The following TLK1 variants were observed in gnomAD, a reference collection of about 807,000 sequenced individuals.
TLK1 encodes the protein serine/threonine-protein kinase tousled-like 1.
A neutral mutation model predicts 105.3 loss-of-function variants in TLK1; 24 were observed. That is an observed-to-expected ratio of 0.23 (90% confidence interval 0.17 to 0.32). The LOEUF is 0.32. Ranked by LOEUF, TLK1 falls within the 10% of genes least tolerant of loss-of-function variation. The probability of loss-of-function intolerance (pLI) is 1.00; values close to 1 mark genes in which losing one functional copy is unlikely to be tolerated. For synonymous variants in TLK1, 321 were observed against 310.4 expected, an observed-to-expected ratio of 1.03 and a Z score of -0.36; for missense variants, 558 against 910.5, an observed-to-expected ratio of 0.61 and a Z score of 4.98.
chr2:171,093,540 A>G (rs1689328816), intron 2 of TLK1, among the ~76,000 whole-genome samples: 1 of 152,228 alleles, frequency 6.6e-6, no homozygotes, highest in South Asian at 2.1e-4. Context: ...TAGGCTGTTC[A>G]AAGTACAATG....
chr2:171,123,057 TAC>T (rs71008752), intron 1 of TLK1, among the ~76,000 whole-genome samples: 1,809 of 141,264 alleles, frequency 0.013, 17 homozygotes, highest in African/African-American at 0.022. Context: ...AATAAATAAA[TAC>T]ACACACACAC....
At chr2:171,132,506 C>T (rs1691144426) in intron 1 of TLK1, among the ~76,000 whole-genome samples, 1 of 152,176 alleles carries the variant, frequency 6.6e-6, no homozygotes, top group South Asian at 2.1e-4. Flanking sequence ...AAGTTCACTG[C>T]ATATTAATGT....
At chr2:171,052,484 T>C (rs1374634820) in intron 8 of TLK1, among the ~76,000 whole-genome samples, 8 of 152,150 alleles carry the variant, frequency 5.3e-5, no homozygotes, top group Non-Finnish European at 7.4e-5. Context: ...GCAGAAAAGA[T>C]ACAGAAATTA....
chr2:171,178,896 G>A (rs1469805757), intron 1 of TLK1, among the ~76,000 whole-genome samples: 1 of 152,140 alleles, frequency 6.6e-6, no homozygotes, highest in African/African-American at 2.4e-5. Context: ...TTACACAGAT[G>A]ACTATTAAAT....
At chr2:171,096,757 CAA>C (rs55784045) in intron 2 of TLK1, among the ~76,000 whole-genome samples, 15 of 114,054 alleles carry the variant, frequency 1.3e-4, no homozygotes, top group Admixed American at 1.8e-4. Flanking sequence ...GACCCTGTCT[CAA>C]AAAAAAAAAA....
At chr2:171,109,440 T>C (rs140183889) in intron 2 of TLK1, among the ~76,000 whole-genome samples, 135 of 152,284 alleles carry the variant, frequency 8.9e-4, no homozygotes, top group African/African-American at 3.2e-3. Context: ...CAGCAGTTCC[T>C]GGAGGGACAG....
intron 2 of TLK1, among the ~76,000 whole-genome samples, chr2:171,101,352 A>AAAAAAAG (rs1288113088): frequency 8.6e-5 from 13 of 150,814 alleles, no homozygotes; most frequent in African/African-American, 3.2e-4. Context: ...GTCTCAAAAA[A>AAAAAAAG]AAAAAAAAAA....
rs139262809 is a variant in TLK1 at position 171,112,028 on chromosome 2, T to G, written c.258+5711A>C. Among the ~76,000 whole-genome samples, 1,194 of 152,310 alleles carry G rather than the reference T, an allele frequency of 7.8e-3. 19 individuals are homozygous for G. Among genetic ancestry groups the G allele is most frequent in the African/African-American group, 0.027 (1,116 of 41,554 alleles). On this transcript the variant is annotated intron_variant, in intron 2 of 20. Coordinates refer to ENST00000431350, the MANE Select transcript of TLK1 (RefSeq NM_012290.5). ...GTGCAGTGGCATGACCCTGGCGCACTGCAACCTCCGCCTGCCGAGTTCAAG... is the reference window on the plus strand; with the variant it reads ...GTGCAGTGGCATGACCCTGGCGCACGGCAACCTCCGCCTGCCGAGTTCAAG...
In TLK1 at chr2:171,173,963, G is replaced by T. The variant is rs540631907; in HGVS notation, c.-5-56106C>A. 7.0e-4 allele frequency among the ~76,000 whole-genome samples: 107 copies of T among 152,102 alleles called. 2 individuals are homozygous for T. Among genetic ancestry groups the T allele is most frequent in the Middle Eastern group, 3.4e-3 (1 of 294 alleles). On this transcript the variant is annotated intron_variant, in intron 1 of 20. Transcript: ENST00000521943. ...ATCCCTTGCCACTCCCTAAGACTAC[G>T]GTGTCTCTTAAACAGCCTGTTGAAT...
chr2:171,117,979 C>G (rs568988122), intron 1 of TLK1, 122 bp from the exon 2 acceptor site: 2 of 572,766 alleles, frequency 3.5e-6, no homozygotes, highest in African/African-American at 3.9e-5. Context: ...ATGCTACAAG[C>G]AGACGAAATT....
chr2:171,178,116 A>C (rs1312815544), intron 1 of TLK1, among the ~76,000 whole-genome samples: 1 of 152,182 alleles, frequency 6.6e-6, no homozygotes, highest in Non-Finnish European at 1.5e-5. Flanking sequence ...TTGAATGCTT[A>C]CTATATGCTA....
rs556166940 is a variant in TLK1 at position 171,090,615 on chromosome 2, T to C, written c.259-7763A>G. ...CCTTGGGATTTTCCTAGGTATTCAC[T>C]TTCTAAAATCATGTATTTAAAAAGG... is the stretch of plus-strand genomic sequence containing the variant. On this transcript the variant is annotated intron_variant, in intron 2 of 20. Coordinates refer to ENST00000431350, the MANE Select transcript of TLK1 (RefSeq NM_012290.5). Among the ~76,000 whole-genome samples, 762 of 152,348 alleles carry C rather than the reference T, an allele frequency of 5.0e-3. 6 individuals carry two copies. The highest frequency in any genetic ancestry group is 0.017 in the African/African-American group (708 of 41,582).
intron 1 of TLK1, among the ~76,000 whole-genome samples, chr2:171,126,561 G>C (rs1404703764): frequency 2.6e-5 from 4 of 151,916 alleles, no homozygotes; most frequent in Non-Finnish European, 2.9e-5. Flanking sequence ...AATCTTCCTT[G>C]ACGACAGTCA....
intron 4 of TLK1, chr2:171,059,868 G>A (rs1020538243): frequency 1.6e-5 from 14 of 892,122 alleles, no homozygotes; most frequent in African/African-American, 4.9e-5. Flanking sequence ...TAACGCTGCC[G>A]CTGATCTGAC....
Position 171,055,158 on chromosome 2 carries a change from G to A in TLK1, c.564C>T (p.Ser188=). The A allele has an allele frequency of 6.8e-7, 1 of 1,473,236 alleles. No individual in the cohort carries two copies. The allele number at this position is 1,473,236 out of a possible 1,614,324, so 91.3% of individuals were successfully genotyped here. The change falls in exon 7 of 21, where the codon AGC becomes AGT. Residue 188 remains serine (S), a synonymous_variant. Coordinates refer to ENST00000431350, the MANE Select transcript of TLK1 (RefSeq NM_012290.5). ...CAAATGCTAATGCAGTAGGAGAAGGGCTATTCGGTCGAACCTAAAGAAATT... is the reference window on the plus strand; with the variant it reads ...CAAATGCTAATGCAGTAGGAGAAGGACTATTCGGTCGAACCTAAAGAAATT... ...STPSSSVRPN[S]PSPTALAFGD... is the part of the protein sequence containing the mutation.
At position 171,077,355 on chromosome 2, in the gene TLK1, T is replaced by G; in HGVS notation, c.330+5426A>C. 1.3e-5 allele frequency among the ~76,000 whole-genome samples: 2 copies of G among 152,178 alleles called. 1 individual carries two copies. Among genetic ancestry groups the G allele is most frequent in the Admixed American group, 1.3e-4 (2 of 15,276 alleles). ...TTTTATTTCTCTTTTCCCTCTCTCT[T>G]CAGCACTTTGTCTCCATCACAGCTC... On this transcript the variant is annotated intron_variant, in intron 3 of 20. Transcript: ENST00000431350.
At chr2:171,230,343 G>C (rs1463599744) in intron 1 of TLK1, among the ~76,000 whole-genome samples, 1 of 152,104 alleles carries the variant, frequency 6.6e-6, no homozygotes. Flanking sequence ...TTGCATCCCT[G>C]CTGTCCCCAA....
chr2:171,160,361 G>C lies in TLK1; in HGVS notation c.68C>G (p.Pro23Arg), dbSNP rs767713200. 4 of 1,605,664 alleles carry C rather than the reference G, an allele frequency of 2.5e-6. No homozygotes were observed. The Admixed American group carries it at 6.8e-5, about 27-fold the overall frequency. ...GGCCGCCGCCGCCGAGCCCGGGGTT[G>C]GAGACGTGGAGAGCTGGGACCAAGA... The part of the protein sequence containing the change: ...PPSWSQLSTS[P>R]TPGSAAAARS... The change falls in exon 1 of 21, where the codon CCA becomes CGA. Residue 23 changes from proline to arginine, a missense_variant. By Grantham distance (103) the Pro-to-Arg change is moderately radical. Transcript: ENST00000431350. This position sits in a 1 kb window ranked among gnomAD's most constrained non-coding sequence, Gnocchi z 4.4.
intron 1 of TLK1, among the ~76,000 whole-genome samples, chr2:171,225,372 A>G (rs763787904): frequency 7.2e-5 from 11 of 152,192 alleles, no homozygotes; most frequent in Non-Finnish European, 1.2e-4. Context: ...CAATAAGCAT[A>G]CTAAAGATGC....
Sources: gnomAD v4.1 joint callset for allele counts (sites outside exome capture counted in the v4.1 genomes callset) on GRCh38, gnomAD v4.1.1 for gene constraint, Gnocchi (gnomAD v3.1) non-coding constraint, MANE v1.5 for transcripts, NCBI Gene and HGNC (gene_info 2026-07-23, HGNC 2026-07-21) for gene names.